GSG1L: variants seen among roughly 807,000 people sequenced by gnomAD.
The protein encoded by GSG1L is germ cell-specific gene 1-like protein.
GSG1L carries 24 observed loss-of-function variants against 42.1 expected under a neutral mutation model. The observed-to-expected ratio is 0.57, with a 90% CI of 0.41 to 0.80. The LOEUF is 0.80. GSG1L is among the 30% of genes least tolerant of loss of function. The pLI is 0.00. For missense variants in GSG1L, 445 were observed against 472.2 expected (o/e 0.94, Z 0.53); for synonymous variants, 215 against 203.5 (o/e 1.06, Z -0.48).
chr16:27,932,121 C>T (rs753737176), intron 2 of GSG1L, among the ~76,000 whole-genome samples: 7 of 152,098 alleles, frequency 4.6e-5, no homozygotes, highest in African/African-American at 1.4e-4. Context: ...GGCATGATCT[C>T]GGCTCACTGC....
intron 5 of GSG1L, among the ~76,000 whole-genome samples, chr16:27,828,444 T>A (rs995171279): frequency 6.6e-6 from 1 of 152,236 alleles, no homozygotes; most frequent in Non-Finnish European, 1.5e-5. Flanking sequence ...CTCAATGCCA[T>A]GACAGAGCCC....
intron 1 of GSG1L, among the ~76,000 whole-genome samples, chr16:28,042,917 A>G (rs1189703879): frequency 6.6e-6 from 1 of 152,166 alleles, no homozygotes; most frequent in Non-Finnish European, 1.5e-5. Context: ...CAAATGGGGA[A>G]AGCACGGGCT....
chr16:27,946,585 G>GAA (rs2084865704), intron 2 of GSG1L, among the ~76,000 whole-genome samples: 1 of 23,316 alleles, frequency 4.3e-5, no homozygotes. Flanking sequence ...AAGAAAGAGA[G>GAA]AGAGAGAGAG....
chr16:27,811,481 C>T (rs1425539490), intron 5 of GSG1L, among the ~76,000 whole-genome samples: 1 of 152,146 alleles, frequency 6.6e-6, no homozygotes, highest in Non-Finnish European at 1.5e-5. Context: ...CAGGTAACAG[C>T]CCCTCCTCAT....
At chr16:27,928,568 G>A (rs2084622659) in intron 2 of GSG1L, among the ~76,000 whole-genome samples, 1 of 152,210 alleles carries the variant, frequency 6.6e-6, no homozygotes, top group African/African-American at 2.4e-5. Flanking sequence ...CAGTCTGTCT[G>A]GTTCATCAGT....
chr16:28,022,878 G>C (rs2085859994), intron 1 of GSG1L, among the ~76,000 whole-genome samples: 1 of 151,908 alleles, frequency 6.6e-6, no homozygotes, highest in South Asian at 2.1e-4. Context: ...CACTATATTG[G>C]CCAGGCTGGT....
At position 28,039,749 on chromosome 16, in the gene GSG1L, C is replaced by A. The variant is rs149182023; in HGVS notation, c.349+23327G>T. On this transcript the variant is annotated intron_variant, in intron 1 of 6. Transcript: ENST00000447459. ...CCCCACACATGCACACACACTCACA[C>A]ATACACATTCACATACACACACAGA... 7.2e-4 allele frequency among the ~76,000 whole-genome samples: 110 copies of A among 152,154 alleles called. 1 individual carries two copies. In the East Asian group the frequency reaches 0.02, roughly 28 times the overall value.
chr16:27,833,331 A>G (rs2083290941), intron 4 of GSG1L, among the ~76,000 whole-genome samples: 1 of 147,992 alleles, frequency 6.8e-6, no homozygotes, highest in Non-Finnish European at 1.5e-5. Context: ...TGAGTTCTCT[A>G]TTTTTTTTTT....
Position 28,040,463 on chromosome 16 carries a change from C to G in GSG1L, c.349+22613G>C, listed in dbSNP as rs1025494362. On this transcript the variant is annotated intron_variant, in intron 1 of 6. Transcript: ENST00000447459. The surrounding 1 kb of genome is among the most constrained non-coding windows in gnomAD (Gnocchi z 4.1). The stretch of plus-strand genomic sequence containing the variant: ...CCACATACTCCCCCAGAATTAATTA[C>G]GAATTCGGAAGAGTAGAGACCCCAT... Among the ~76,000 whole-genome samples, 11 of 152,220 alleles carry G rather than the reference C, an allele frequency of 7.2e-5. No homozygotes were observed. The highest frequency in any genetic ancestry group is 2.4e-4 in the African/African-American group (10 of 41,540).
At chr16:28,005,941 C>T (rs1374873740) in intron 1 of GSG1L, among the ~76,000 whole-genome samples, 1 of 152,092 alleles carries the variant, frequency 6.6e-6, no homozygotes, top group Non-Finnish European at 1.5e-5. Flanking sequence ...AGGTTGTAGC[C>T]CCTGAAATGG....
At chr16:27,914,207 C>A (rs114300545) in intron 2 of GSG1L, among the ~76,000 whole-genome samples, 2,414 of 152,086 alleles carry the variant, frequency 0.016, 64 homozygotes, top group African/African-American at 0.055. Flanking sequence ...ATATAGTCAT[C>A]CAAAATGAAT....
chr16:27,983,945 A>T (rs749604945), intron 1 of GSG1L, among the ~76,000 whole-genome samples: 3 of 152,160 alleles, frequency 2.0e-5, no homozygotes, highest in African/African-American at 4.8e-5. Context: ...TTTAAACGAC[A>T]CCTGTGGCAT....
At chr16:28,045,729 G>A (rs549911643) in intron 1 of GSG1L, among the ~76,000 whole-genome samples, 2 of 151,740 alleles carry the variant, frequency 1.3e-5, no homozygotes, top group South Asian at 4.2e-4. Context: ...ACAAGTACCA[G>A]GCCAATTAAA....
At chr16:28,027,529 CAT>C (rs2085913013) in intron 1 of GSG1L, among the ~76,000 whole-genome samples, 1 of 152,108 alleles carries the variant, frequency 6.6e-6, no homozygotes, top group African/African-American at 2.4e-5. Context: ...CCACTAGTCA[CAT>C]GTTAAATGTG....
At chr16:27,979,813 GA>G (rs916169484) in intron 1 of GSG1L, among the ~76,000 whole-genome samples, 8 of 95,124 alleles carry the variant, frequency 8.4e-5, no homozygotes, top group African/African-American at 2.5e-4. Context: ...AAGAAAGAAA[GA>G]AAAGAAAGAA....
At chr16:27,961,643 G>A (rs1158028507) in intron 2 of GSG1L, among the ~76,000 whole-genome samples, 1 of 152,186 alleles carries the variant, frequency 6.6e-6, no homozygotes, top group Non-Finnish European at 1.5e-5. Flanking sequence ...CATAGTAACT[G>A]TTCAACAAAT....
intron 2 of GSG1L, among the ~76,000 whole-genome samples, chr16:27,944,234 A>G (rs1425080190): frequency 6.6e-6 from 1 of 152,184 alleles, no homozygotes; most frequent in Non-Finnish European, 1.5e-5. Flanking sequence ...CTAATTTCCC[A>G]ATTTTAAAAA....
chr16:27,897,136 T>C (rs2084201403), intron 2 of GSG1L, among the ~76,000 whole-genome samples: 1 of 152,096 alleles, frequency 6.6e-6, no homozygotes, highest in Non-Finnish European at 1.5e-5. Context: ...AGTGCTGGGA[T>C]AACAGGCATG....
At chr16:27,838,966 G>A (rs1596546068) in intron 4 of GSG1L, among the ~76,000 whole-genome samples, 1 of 152,188 alleles carries the variant, frequency 6.6e-6, no homozygotes, top group African/African-American at 2.4e-5. Flanking sequence ...TCTCAGCAGA[G>A]ACATCAGCAC....
Sources: allele counts gnomAD v4.1 joint callset (sites outside exome capture counted in the v4.1 genomes callset), GRCh38; gene constraint gnomAD v4.1.1; non-coding constraint Gnocchi (gnomAD v3.1); transcripts MANE v1.5; gene names NCBI Gene and HGNC (gene_info 2026-07-23, HGNC 2026-07-21).